The following MED30 variants were observed in gnomAD, a reference collection of about 807,000 sequenced individuals.
The protein encoded by MED30 is mediator of RNA polymerase II transcription subunit 30.
A neutral mutation model predicts 21.7 loss-of-function variants in MED30; 8 were observed. The ratio of observed to expected loss-of-function variants is 0.37; its 90% confidence interval spans 0.22 to 0.67. MED30 has a LOEUF of 0.67. MED30 is among the 30% of genes least tolerant of loss of function. The probability of loss-of-function intolerance (pLI) is 0.58; values close to 1 mark genes in which losing one functional copy is unlikely to be tolerated. For missense variants in MED30, 203 were observed against 228.2 expected (o/e 0.89, Z 0.71); for synonymous variants, 79 against 86.7 (o/e 0.91, Z 0.49).
intron 1 of MED30, chr8:117,523,470 G>C: frequency 6.3e-7 from 1 of 1,583,392 alleles, no homozygotes; most frequent in Non-Finnish European, 8.7e-7. Context: ...TCTCTGGACG[G>C]CTGCGGCGTA....
rs868464113 is a variant in MED30 at position 117,528,017 on chromosome 8, C to A, written c.178-634C>A. Among the ~76,000 whole-genome samples the A allele has an allele frequency of 1.3e-4, 19 of 151,772 alleles. No homozygotes were observed. The Middle Eastern group carries it at 0.017, about 137-fold the overall frequency. ...TAAAATTCCTGAATTAAAAATATAT[C>A]CATATCTAAGGCAGAGTTATGATCA... On this transcript the variant is annotated intron_variant, in intron 1 of 3. Transcript: ENST00000297347.
At chr8:117,523,523 A>G in intron 1 of MED30, 2 of 1,596,918 alleles carry the variant, frequency 1.3e-6, no homozygotes, top group Non-Finnish European at 1.7e-6. Context: ...AGGTAATCAC[A>G]GAGATACTGG....
At chr8:117,536,012 G>GT (rs990541977) in intron 3 of MED30, among the ~76,000 whole-genome samples, 2 of 151,880 alleles carry the variant, frequency 1.3e-5, no homozygotes, top group African/African-American at 2.4e-5. Flanking sequence ...ATTCTTGTAG[G>GT]TTTTGGGAGA....
chr8:117,538,148 CACTT>C (rs1305070877), intron 3 of MED30, among the ~76,000 whole-genome samples: 2 of 152,178 alleles, frequency 1.3e-5, no homozygotes, highest in Non-Finnish European at 2.9e-5. Flanking sequence ...AACAGACTAT[CACTT>C]ACTTATGATA....
intron 1 of MED30, among the ~76,000 whole-genome samples, chr8:117,525,489 A>G (rs10096601): frequency 0.017 from 2,579 of 151,834 alleles, 82 homozygotes; most frequent in African/African-American, 0.058. Flanking sequence ...TAGTTTTGCC[A>G]TGCATTTTTT....
At chr8:117,527,632 C>CTTTTTTTTTTTTT in intron 1 of MED30, among the ~76,000 whole-genome samples, 1 of 109,218 alleles carries the variant, frequency 9.2e-6, no homozygotes, top group Non-Finnish European at 1.9e-5. Flanking sequence ...TTCTTTTTTT[C>CTTTTTTTTTTTTT]TTTCTTTTTT....
intron 3 of MED30, among the ~76,000 whole-genome samples, chr8:117,536,763 C>T (rs1251045666): frequency 6.6e-6 from 1 of 152,068 alleles, no homozygotes; most frequent in South Asian, 2.1e-4. Context: ...AGCCAAATAC[C>T]CATTTAAAGG....
At chr8:117,535,364 G>C (rs2130818099) in intron 3 of MED30, among the ~76,000 whole-genome samples, 2 of 151,198 alleles carry the variant, frequency 1.3e-5, no homozygotes, top group East Asian at 3.9e-4. Context: ...GAGTAGCTGG[G>C]GTTACAGGCG....
rs1457416125 is a variant in MED30, at chr8:117,520,863, G to A, written c.-14G>A. 1 of 1,574,912 alleles carries A rather than the reference G, an allele frequency of 6.3e-7. No individual in the cohort carries two copies. Among genetic ancestry groups the A allele is most frequent in the Non-Finnish European group, 8.6e-7 (1 of 1,161,296 alleles). On this transcript the variant is annotated 5_prime_UTR_variant, in exon 1 of 4. Coordinates refer to ENST00000297347, the MANE Select transcript of MED30 (RefSeq NM_080651.4). ...GCTGTCTGGCCCCTTCCGGCCTGAA[G>A]CTGCAGCCGCGCCATGTCCACCCCT...
At chr8:117,537,542 T>TATTA (rs1179799756) in intron 3 of MED30, among the ~76,000 whole-genome samples, 1 of 152,114 alleles carries the variant, frequency 6.6e-6, no homozygotes, top group East Asian at 1.9e-4. Flanking sequence ...CCTTATAATA[T>TATTA]ATTAATTATT....
At chr8:117,526,158 T>C (rs925806713) in intron 1 of MED30, among the ~76,000 whole-genome samples, 12 of 152,192 alleles carry the variant, frequency 7.9e-5, no homozygotes, top group African/African-American at 2.4e-4. Flanking sequence ...GTGTTATAGA[T>C]GAAAACAGAG....
intron 1 of MED30, among the ~76,000 whole-genome samples, chr8:117,524,342 A>G (rs915470728): frequency 6.6e-6 from 1 of 152,226 alleles, no homozygotes; most frequent in Admixed American, 6.5e-5. Flanking sequence ...CTACGAGAGT[A>G]AAGTGCTGTG....
intron 1 of MED30, among the ~76,000 whole-genome samples, chr8:117,526,397 T>C (rs1329675776): frequency 6.6e-6 from 1 of 152,096 alleles, no homozygotes; most frequent in African/African-American, 2.4e-5. Flanking sequence ...GGAATGCTTC[T>C]AATGATTCCA....
At chr8:117,528,300 C>A (rs1476106968) in intron 1 of MED30, among the ~76,000 whole-genome samples, 1 of 151,148 alleles carries the variant, frequency 6.6e-6, no homozygotes, top group African/African-American at 2.4e-5. Context: ...TTTTTAACTT[C>A]TTGGTTGAGG....
intron 1 of MED30, among the ~76,000 whole-genome samples, chr8:117,528,049 T>C (rs1337544125): frequency 2.0e-5 from 3 of 151,926 alleles, no homozygotes. Flanking sequence ...ATCATAGCAG[T>C]TACTTGTAAT....
chr8:117,522,909 G>A (rs1448195440), intron 1 of MED30, among the ~76,000 whole-genome samples: 1 of 152,134 alleles, frequency 6.6e-6, no homozygotes, highest in Non-Finnish European at 1.5e-5. Context: ...CACTTACGAA[G>A]TACTTTCCTT....
rs1233434054 is a variant in MED30, at chr8:117,528,758, A to G, written c.285A>G (p.Val95=). The change falls in exon 2 of 4, where the codon GTA becomes GTG. Residue 95 remains valine (V), a synonymous_variant. Coordinates refer to ENST00000297347, the MANE Select transcript of MED30 (RefSeq NM_080651.4). ...TTCTCTTCAGGAAGCTGAGATTGGT[A>G]TATGACAAATGCAATGAAAACTGTG... ...LSVLFRKLRL[V]YDKCNENCGG... is the part of the protein sequence containing the mutation. 6.2e-7 allele frequency: 1 copy of G among 1,609,606 alleles called. No homozygotes were observed.
In MED30 at chr8:117,520,990, G is replaced by T. The variant is rs748959994; in HGVS notation, c.114G>T (p.Gln38His). The change falls in exon 1 of 4, where the codon CAG (glutamine) becomes CAT (histidine). Residue 38 changes from glutamine (Q) to histidine (H), a missense_variant. Transcript: ENST00000297347. ...VNTASLCRIG[Q>H]ETVQDIVYRT... ...CGGCGTCGCTGTGCCGCATCGGGCA[G>T]GAGACAGTGCAGGACATCGTGTACC... 1.9e-6 allele frequency: 3 copies of T among 1,613,022 alleles called. No homozygotes were observed. The highest frequency in any genetic ancestry group is 2.5e-6 in the Non-Finnish European group (3 of 1,179,502).
At chr8:117,527,899 C>T (rs2130812633) in intron 1 of MED30, among the ~76,000 whole-genome samples, 1 of 151,960 alleles carries the variant, frequency 6.6e-6, no homozygotes, top group South Asian at 2.1e-4. Context: ...TTCAGCAATG[C>T]AAAGTACATA....
Sources: gnomAD v4.1 joint callset for allele counts (sites outside exome capture counted in the v4.1 genomes callset) on GRCh38, gnomAD v4.1.1 for gene constraint, MANE v1.5 for transcripts, NCBI Gene and HGNC (gene_info 2026-07-23, HGNC 2026-07-21) for gene names.